MARK2: variants seen among roughly 807,000 people sequenced by gnomAD.
The protein encoded by MARK2 is microtubule affinity regulating kinase 2.
MARK2 carries 16 observed loss-of-function variants against 89.8 expected under a neutral mutation model. That is an observed-to-expected ratio of 0.18 (90% CI 0.12 to 0.27). MARK2 has a LOEUF of 0.27. Among genes scored for constraint, MARK2 ranks in the 10% least tolerant of loss-of-function variants. MARK2 has a pLI of 1.00. For synonymous variants in MARK2, 382 were observed against 399.5 expected (o/e 0.96, Z 0.52); for missense variants, 621 against 1,049.9 (o/e 0.59, Z 5.65).
intron 1 of MARK2, among the ~76,000 whole-genome samples, chr11:63,845,750 C>G (rs1029144831): frequency 1.3e-5 from 2 of 152,032 alleles, no homozygotes; most frequent in African/African-American, 4.8e-5. Flanking sequence ...TTGAGACAGT[C>G]TTGCTCTGGT....
intron 1 of MARK2, among the ~76,000 whole-genome samples, chr11:63,878,092 G>A (rs1480396258): frequency 1.3e-5 from 2 of 152,354 alleles, no homozygotes; most frequent in Admixed American, 1.3e-4. Context: ...CCCCGCATCG[G>A]TTGCCTAGTA....
At chr11:63,864,907 T>G (rs1938040924) in intron 1 of MARK2, among the ~76,000 whole-genome samples, 1 of 152,092 alleles carries the variant, frequency 6.6e-6, no homozygotes, top group South Asian at 2.1e-4. Context: ...CTTTTTTCTT[T>G]TCTTTTGAGA....
Position 63,909,334 on chromosome 11 carries a change from G to T in MARK2, c.*97G>T, listed in dbSNP as rs1302873084. The T allele has an allele frequency of 1.5e-6, 2 of 1,301,574 alleles. No individual in the cohort carries two copies. Among genetic ancestry groups the T allele is most frequent in the Non-Finnish European group, 1.0e-6 (1 of 973,036 alleles). 80.6% of individuals were successfully genotyped at this position (1,301,574 alleles called of 1,614,324 possible). ...TGGGCGAGACTGCAGCGATGGATTG[G>T]TGTGTCTCCCCTGCTGGCACTTCTC... On this transcript the variant is annotated 3_prime_UTR_variant, in exon 19 of 19. Transcript: ENST00000402010.
At position 63,903,883 on chromosome 11, in the gene MARK2, G is replaced by T; in HGVS notation, c.1515-103G>T. The T allele has an allele frequency of 1.0e-6, 1 of 955,672 alleles. No individual in the cohort carries two copies. 59.2% of individuals were successfully genotyped at this position (955,672 alleles called of 1,614,324 possible). A position where few individuals can be genotyped will look rare whatever the true frequency, so the allele number is the denominator to read the frequency against. On this transcript the variant is annotated intron_variant, in intron 14 of 18. Coordinates refer to ENST00000402010, the MANE Select transcript of MARK2 (RefSeq NM_001039469.3). The surrounding 1 kb of genome is among the most constrained non-coding windows in gnomAD (Gnocchi z 5.1). ...CCCAGGCCTGACTTCTACCCTGCCA[G>T]AGCTCCCCAGCTCTGGCCCTTCCCC...
At chr11:63,892,726 ATTTTT>A (rs11412283) in intron 1 of MARK2, among the ~76,000 whole-genome samples, 1 of 122,132 alleles carries the variant, frequency 8.2e-6, no homozygotes, top group Non-Finnish European at 1.6e-5. Flanking sequence ...CAGACTCTGC[ATTTTT>A]TTTTTTTTTT....
intron 1 of MARK2, among the ~76,000 whole-genome samples, chr11:63,865,192 A>T (rs1050310739): frequency 6.6e-6 from 1 of 152,160 alleles, no homozygotes; most frequent in Non-Finnish European, 1.5e-5. Context: ...TATCCAGCCC[A>T]GTTATGTAGT....
At chr11:63,895,058 T>C (rs1940254839) in intron 1 of MARK2, 101 bp from the exon 2 acceptor site, 1 of 927,322 alleles carries the variant, frequency 1.1e-6, no homozygotes, top group South Asian at 1.6e-5. Flanking sequence ...ACCAGCCCCC[T>C]GGAATCTGCC....
chr11:63,902,992 C>G lies in MARK2; in HGVS notation c.1417-69C>G, dbSNP rs545704059. On this transcript the variant is annotated intron_variant, in intron 13 of 18. Coordinates refer to ENST00000402010, the MANE Select transcript of MARK2 (RefSeq NM_001039469.3). This position sits in a 1 kb window ranked among gnomAD's most constrained non-coding sequence, Gnocchi z 4.2. The stretch of plus-strand genomic sequence containing the variant: ...GGGACAGGAAGCCTGTTCCATGAAC[C>G]TGGGGGGAGAACCTGGCTGTAGACC... The G allele has an allele frequency of 3.9e-4, 541 of 1,375,260 alleles. 5 individuals carry two copies. The African/African-American group carries it at 7.1e-3, about 18-fold the overall frequency. The allele number at this position is 1,375,260 out of a possible 1,614,324, so 85.2% of individuals were successfully genotyped here.
chr11:63,883,557 A>G lies in MARK2; in HGVS notation c.55-11602A>G, dbSNP rs78314502. ...AAGACATTACTGAACACCACGTTCT[A>G]TGGTAAACACTGACATGGATTTTCC... On this transcript the variant is annotated intron_variant, in intron 1 of 18. Coordinates refer to ENST00000402010, the MANE Select transcript of MARK2 (RefSeq NM_001039469.3). Among the ~76,000 whole-genome samples the G allele has an allele frequency of 3.2e-3, 481 of 152,234 alleles. 10 individuals carry two copies. The East Asian group carries it at 0.045, about 14-fold the overall frequency.
chr11:63,908,892 C>T lies in MARK2; in HGVS notation c.2022C>T (p.Gly674=). ...RVETLRPHVV[G]SGGNDKEKEE... is the part of the protein sequence containing the mutation. ...CTCTCCACAGACCTCACGTGGTGGG[C>T]AGTGGCGGCAACGACAAAGAAAAGG... is the stretch of plus-strand genomic sequence containing the variant. Residue 674 remains glycine, a synonymous_variant, in exon 19 of 19, where the codon GGC becomes GGT. Transcript: ENST00000402010. 6.6e-7 allele frequency: 1 copy of T among 1,507,898 alleles called. No homozygotes were observed. Among genetic ancestry groups the T allele is most frequent in the East Asian group, 2.3e-5 (1 of 42,952 alleles). The allele number at this position is 1,507,898 out of a possible 1,614,324, so 93.4% of individuals were successfully genotyped here. A position where few individuals can be genotyped will look rare whatever the true frequency, so the allele number is the denominator to read the frequency against.
intron 1 of MARK2, among the ~76,000 whole-genome samples, chr11:63,844,720 G>A (rs1284657112): frequency 1.3e-5 from 2 of 152,200 alleles, no homozygotes; most frequent in Admixed American, 6.5e-5. Flanking sequence ...TGCCTAAGAG[G>A]TTTGCAGGGT....
At position 63,904,823 on chromosome 11, in the gene MARK2, G is replaced by T. The variant is rs746404079; in HGVS notation, c.1714G>T (p.Ala572Ser). 1.9e-6 allele frequency: 3 copies of T among 1,613,870 alleles called. No homozygotes were observed. The highest frequency in any genetic ancestry group is 2.5e-6 in the Non-Finnish European group (3 of 1,179,944). The stretch of plus-strand genomic sequence containing the variant: ...GCGTGTCCCTGTTGCCTCCCCATCC[G>T]CCCACAACATCAGCAGCAGTGGTGG... ...PQRVPVASPS[A>S]HNISSSGGAP... is the part of the protein sequence containing the mutation. Residue 572 changes from alanine (A) to serine (S), a missense_variant, in exon 16 of 19, where the codon GCC becomes TCC. Physicochemically the swap from Ala to Ser is moderately conservative, Grantham distance 99. Around this residue, in one of 5 missense-constraint regions of MARK2, gnomAD observed 397 missense variants for 567.8 expected, o/e 0.70. Transcript: ENST00000402010. The surrounding 1 kb of genome is among the most constrained non-coding windows in gnomAD (Gnocchi z 6.3).
chr11:63,887,952 TA>T (rs1939503288), intron 1 of MARK2, among the ~76,000 whole-genome samples: 1 of 152,138 alleles, frequency 6.6e-6, no homozygotes. Context: ...GGAAGGAACT[TA>T]AAAGGGACAT....
intron 1 of MARK2, among the ~76,000 whole-genome samples, chr11:63,843,941 A>G (rs887375813): frequency 1.3e-5 from 2 of 152,046 alleles, no homozygotes; most frequent in African/African-American, 4.8e-5. Context: ...ATCTCAGTCC[A>G]CACTCTGAGC....
intron 1 of MARK2, among the ~76,000 whole-genome samples, chr11:63,860,789 C>T (rs919352906): frequency 2.0e-5 from 3 of 151,508 alleles, no homozygotes; most frequent in Admixed American, 1.3e-4. Flanking sequence ...ACCCAGGAGG[C>T]GGTGGTTGCA....
chr11:63,852,813 A>T (rs1302345661), intron 1 of MARK2, among the ~76,000 whole-genome samples: 1 of 152,222 alleles, frequency 6.6e-6, no homozygotes, highest in Non-Finnish European at 1.5e-5. Flanking sequence ...AAGTTGTGGC[A>T]TTCTTTCAAG....
At chr11:63,887,335 G>A (rs181838081) in intron 1 of MARK2, among the ~76,000 whole-genome samples, 96 of 152,300 alleles carry the variant, frequency 6.3e-4, no homozygotes, top group Admixed American at 2.0e-3. Context: ...TGAGATTTTG[G>A]GCAAGTCTCA....
intron 1 of MARK2, chr11:63,880,026 A>G (rs1458089329): frequency 6.6e-6 from 1 of 152,178 alleles, no homozygotes; most frequent in African/African-American, 2.4e-5. Context: ...TCTTATCCTC[A>G]GCATACAAGC....
intron 3 of MARK2, 64 bp downstream of exon 3, chr11:63,895,697 C>T (rs1243695141): frequency 2.0e-5 from 27 of 1,342,408 alleles, no homozygotes; most frequent in Non-Finnish European, 2.8e-5. Context: ...GAGTCAGAGC[C>T]TCACTCTTGT....
Sources: gnomAD v4.1 joint callset for allele counts (sites outside exome capture counted in the v4.1 genomes callset) on GRCh38, gnomAD v4.1.1 for gene constraint, gnomAD v4.1.1 regional missense constraint, Gnocchi (gnomAD v3.1) non-coding constraint, MANE v1.5 for transcripts, NCBI Gene and HGNC (gene_info 2026-07-23, HGNC 2026-07-21) for gene names.